INPP5D: variants seen among roughly 807,000 people sequenced by gnomAD.
INPP5D encodes inositol polyphosphate-5-phosphatase D.
INPP5D carries 33 observed loss-of-function variants against 122.9 expected under a neutral mutation model. The ratio of observed to expected loss-of-function variants is 0.27; its 90% CI spans 0.20 to 0.36. INPP5D has a LOEUF of 0.36. INPP5D is among the 10% of genes least tolerant of loss of function. The pLI, the probability that INPP5D is intolerant of heterozygous loss-of-function variation, is 1.00. For missense variants in INPP5D, 1,053 were observed against 1,412.7 expected (o/e 0.75, Z 4.08); for synonymous variants, 584 against 576.2 (o/e 1.01, Z -0.19).
intron 22 of INPP5D, among the ~76,000 whole-genome samples, chr2:233,190,156 T>C (rs3890760): frequency 0.4 from 61,192 of 152,098 alleles, 12,495 homozygotes; most frequent in South Asian, 0.47. Flanking sequence ...CTTCCATGTA[T>C]TGAGCCTTCC....
At chr2:233,090,321 G>T (rs1383453952) in intron 2 of INPP5D, among the ~76,000 whole-genome samples, 2 of 152,142 alleles carry the variant, frequency 1.3e-5, no homozygotes, top group Non-Finnish European at 1.5e-5. Context: ...ATCCATACAT[G>T]AGCAGTTAGT....
intron 5 of INPP5D, among the ~76,000 whole-genome samples, chr2:233,136,544 A>G (rs1251402431): frequency 6.6e-6 from 1 of 152,128 alleles, no homozygotes; most frequent in East Asian, 1.9e-4. Flanking sequence ...AAATCTCTTG[A>G]AGACATTATG....
intron 17 of INPP5D, among the ~76,000 whole-genome samples, chr2:233,175,874 G>C (rs1694611460): frequency 6.6e-6 from 1 of 151,822 alleles, no homozygotes; most frequent in African/African-American, 2.4e-5. Context: ...CAGAGATGGG[G>C]TTTCGCCATG....
chr2:233,129,629 G>T (rs939264293), intron 4 of INPP5D, among the ~76,000 whole-genome samples: 1 of 152,136 alleles, frequency 6.6e-6, no homozygotes, highest in African/African-American at 2.4e-5. Context: ...TCGGCCACTT[G>T]CACTACCTCA....
intron 6 of INPP5D, chr2:233,145,248 C>G (rs1693727768): frequency 2.2e-6 from 1 of 456,232 alleles, no homozygotes; most frequent in Middle Eastern, 3.3e-4. Context: ...GGATACATGT[C>G]TTCCTCTGCC....
chr2:233,158,780 TTGATTGAC>T (rs933898365), intron 10 of INPP5D, among the ~76,000 whole-genome samples: 4 of 152,032 alleles, frequency 2.6e-5, no homozygotes, highest in Admixed American at 2.0e-4. Flanking sequence ...GATTGATTGA[TTGATTGAC>T]TGACTGACTT....
rs573135762 is a variant in INPP5D at position 233,161,706 on chromosome 2, C to T, written c.1138-18C>T. ...GAGGCAGAGGCCTTTCTAAGTCTGTCTGCCCTTCCATCCCTAGAAGAGAGA... is the reference window on the plus strand; with the variant it reads ...GAGGCAGAGGCCTTTCTAAGTCTGTTTGCCCTTCCATCCCTAGAAGAGAGA... On this transcript the variant is annotated intron_variant, in intron 10 of 26. Coordinates refer to ENST00000445964, the MANE Select transcript of INPP5D (RefSeq NM_001017915.3). 3 of 1,607,052 alleles carry T rather than the reference C, an allele frequency of 1.9e-6. No individual in the cohort carries two copies. Among genetic ancestry groups the T allele is most frequent in the Admixed American group, 3.4e-5 (2 of 58,894 alleles).
At position 233,188,735 on chromosome 2, in the gene INPP5D, T is replaced by C. The variant is rs1694980266; in HGVS notation, c.2359-1115T>C. On this transcript the variant is annotated intron_variant, in intron 21 of 26. Transcript: ENST00000445964. This position sits in a 1 kb window ranked among gnomAD's most constrained non-coding sequence, Gnocchi z 4.7. ...CCCCATCAAGCCTCGCTAATTTCTG[T>C]ATTTTTTAGTAGAGACGGGGTTTCA... Among the ~76,000 whole-genome samples the C allele has an allele frequency of 6.6e-6, 1 of 152,124 alleles. No individual in the cohort carries two copies. The highest frequency in any genetic ancestry group is 1.5e-5 in the Non-Finnish European group (1 of 68,024).
At chr2:233,176,356 G>GATGGATGGATGGATGGATGGATGGATGA (rs59316189) in intron 17 of INPP5D, among the ~76,000 whole-genome samples, 1 of 138,992 alleles carries the variant, frequency 7.2e-6, no homozygotes, top group East Asian at 2.2e-4. Flanking sequence ...TGGATGGATG[G>GATGGATGGATGGATGGATGGATGGATGA]ATAGGCGAAT....
rs963382204 is a variant in INPP5D, at chr2:233,090,193, C to A, written c.198+10795C>A. ...TGAGAAGAGGCTTCTATTGACCACT[C>A]AGTGCCCACAAAACCTTTGAGGTTA... On this transcript the variant is annotated intron_variant, in intron 2 of 26. Coordinates refer to ENST00000445964, the MANE Select transcript of INPP5D (RefSeq NM_001017915.3). 3.3e-5 allele frequency among the ~76,000 whole-genome samples: 5 copies of A among 152,360 alleles called. No individual in the cohort carries two copies. The East Asian group carries it at 9.6e-4, about 29-fold the overall frequency.
Position 233,095,633 on chromosome 2 carries a change from A to C in INPP5D, c.198+16235A>C, listed in dbSNP as rs868638390. ...ACTGTCTCAAAAAAAAAAAAAAAAA[A>C]AAAAAAAAAACAACTCCTGGGCTCA... On this transcript the variant is annotated intron_variant, in intron 2 of 26. Transcript: ENST00000445964. Among the ~76,000 whole-genome samples the C allele has an allele frequency of 3.9e-3, 353 of 91,406 alleles. 3 individuals are homozygous for C. Among genetic ancestry groups the C allele is most frequent in the African/African-American group, 0.014 (338 of 24,292 alleles). The allele number at this position is 91,406 out of a possible 152,430, so 60.0% of individuals were successfully genotyped here.
intron 5 of INPP5D, chr2:233,130,907 G>A: frequency 3.2e-6 from 2 of 625,142 alleles, no homozygotes; most frequent in Non-Finnish European, 5.9e-6. Flanking sequence ...GGAAGCGGAT[G>A]GGGTGGGAGG....
At chr2:233,095,710 A>T (rs1692121797) in intron 2 of INPP5D, among the ~76,000 whole-genome samples, 2 of 149,564 alleles carry the variant, frequency 1.3e-5, no homozygotes, top group African/African-American at 4.9e-5. Flanking sequence ...TTTTAAAATA[A>T]TTTTTTTTTT....
intron 6 of INPP5D, chr2:233,141,496 G>A (rs1274796370): frequency 3.3e-5 from 5 of 152,076 alleles, no homozygotes; most frequent in Admixed American, 6.5e-5. Flanking sequence ...GAACCCGGGA[G>A]GTGGACGTTG....
intron 20 of INPP5D, among the ~76,000 whole-genome samples, 155 bp downstream of exon 20, chr2:233,184,676 G>A (rs1180713302): frequency 1.3e-5 from 2 of 152,236 alleles, no homozygotes; most frequent in African/African-American, 4.8e-5. Context: ...GACTCAAGGG[G>A]ACACTCAGTT....
At chr2:233,063,061 C>T (rs1314524413) in intron 1 of INPP5D, among the ~76,000 whole-genome samples, 2 of 151,966 alleles carry the variant, frequency 1.3e-5, no homozygotes, top group Admixed American at 6.6e-5. Flanking sequence ...CCTTAGTTTT[C>T]TGTGTTCCCT....
chr2:233,149,182 C>T (rs1693856786), intron 9 of INPP5D, among the ~76,000 whole-genome samples: 2 of 147,498 alleles, frequency 1.4e-5, no homozygotes, highest in African/African-American at 5.0e-5. Flanking sequence ...TGGCTCACTG[C>T]AACCTCCGCC....
intron 24 of INPP5D, 33 bp downstream of exon 24, chr2:233,195,528 G>A (rs760596127): frequency 1.2e-6 from 2 of 1,612,188 alleles, no homozygotes; most frequent in Non-Finnish European, 1.7e-6. Context: ...GTTGGGGGGG[G>A]TGGATATCAG....
intron 5 of INPP5D, among the ~76,000 whole-genome samples, chr2:233,136,000 A>G (rs1693456267): frequency 6.6e-6 from 1 of 152,220 alleles, no homozygotes; most frequent in Non-Finnish European, 1.5e-5. Context: ...TTACCTGTAC[A>G]TTTTAAAATC....
Sources: allele counts gnomAD v4.1 joint callset (sites outside exome capture counted in the v4.1 genomes callset), GRCh38; gene constraint gnomAD v4.1.1; non-coding constraint Gnocchi (gnomAD v3.1); transcripts MANE v1.5; gene names NCBI Gene and HGNC (gene_info 2026-07-23, HGNC 2026-07-21).